The following ABCA8 variants were observed in gnomAD, a reference collection of about 807,000 sequenced individuals.
ABCA8 encodes the protein ABC-type organic anion transporter ABCA8.
In ABCA8, 177 loss-of-function variants were observed where a neutral mutation model predicts 192.3. That is an observed-to-expected ratio of 0.92 (90% CI 0.81 to 1.04). The LOEUF is 1.04. Ranked by LOEUF, ABCA8 falls within the 50% of genes least tolerant of loss-of-function variation. ABCA8 has a pLI of 0.00. For missense variants in ABCA8, 1,915 were observed against 1,904.8 expected, an observed-to-expected ratio of 1.01 and a Z score of -0.10; for synonymous variants, 642 against 690.2, an observed-to-expected ratio of 0.93 and a Z score of 1.09.
At chr17:68,871,769 C>T (rs183058873) in intron 37 of ABCA8, among the ~76,000 whole-genome samples, 3 of 152,220 alleles carry the variant, frequency 2.0e-5, no homozygotes, top group South Asian at 2.1e-4. Flanking sequence ...TATAGCATAA[C>T]ATATTACTTA....
chr17:68,916,151 G>A (rs1274502266), intron 17 of ABCA8, among the ~76,000 whole-genome samples: 1 of 151,798 alleles, frequency 6.6e-6, no homozygotes, highest in Non-Finnish European at 1.5e-5. Context: ...GGGGAAGGGG[G>A]GATGGTTAAT....
At chr17:68,917,123 T>A (rs910724595) in intron 17 of ABCA8, among the ~76,000 whole-genome samples, 1 of 152,052 alleles carries the variant, frequency 6.6e-6, no homozygotes, top group Non-Finnish European at 1.5e-5. Context: ...CAAAAAAACT[T>A]AGCTGGGCGT....
At chr17:68,949,070 C>G (rs569162559) in intron 2 of ABCA8, among the ~76,000 whole-genome samples, 1 of 152,232 alleles carries the variant, frequency 6.6e-6, no homozygotes, top group Non-Finnish European at 1.5e-5. Context: ...GGTGTAATTT[C>G]TGAGGTCTCT....
rs748808485 is a variant in ABCA8, at chr17:68,903,293, ATACT to A, written c.2597+4_2597+7del. The stretch of plus-strand genomic sequence containing the variant: ...AAAAAGAAAACCTATGGCAACTCTG[ATACT>A]TACAGTGCTAAAAGAGCTTTTCTTT... On this transcript the variant is annotated splice_donor_5th_base_variant and intron_variant, in intron 20 of 39. Coordinates refer to ENST00000586539, the MANE Select transcript of ABCA8 (RefSeq NM_001288985.2). The A allele has an allele frequency of 1.9e-6, 3 of 1,613,930 alleles. No individual in the cohort carries two copies. The highest frequency in any genetic ancestry group is 2.5e-6 in the Non-Finnish European group (3 of 1,179,980).
At chr17:68,897,532 A>T (rs949626609) in intron 21 of ABCA8, among the ~76,000 whole-genome samples, 1 of 152,218 alleles carries the variant, frequency 6.6e-6, no homozygotes, top group African/African-American at 2.4e-5. Context: ...TAGCAAACCT[A>T]AAAAACAAAG....
chr17:68,934,216 C>A (rs985693124), intron 5 of ABCA8, among the ~76,000 whole-genome samples: 5 of 151,780 alleles, frequency 3.3e-5, no homozygotes, highest in Non-Finnish European at 5.9e-5. Context: ...GTTATGGAAT[C>A]CCATTGCAGG....
rs146930637 is a variant in ABCA8, at chr17:68,875,722, C to T, written c.4382G>A (p.Arg1461Gln). 70 of 1,613,406 alleles carry T rather than the reference C, an allele frequency of 4.3e-5. No homozygotes were observed. In the African/African-American group the frequency reaches 6.7e-4, roughly 15 times the overall value. ...EGQQQMWQAI[R>Q]ATFRNTERGA... ...CCTTTCCGTGTTTCTAAAGGTGGCC[C>T]GGATGGCCTGCCTATAATGTCAAGA... The change falls in exon 36 of 40, where the codon CGG becomes CAG. Residue 1461 changes from arginine (R) to glutamine (Q), a missense_variant. Transcript: ENST00000586539.
In ABCA8 at chr17:68,881,925, C is replaced by G. The variant is rs753490813; in HGVS notation, c.3884G>C (p.Gly1295Ala). 4.9e-5 allele frequency: 79 copies of G among 1,613,982 alleles called. No individual in the cohort carries two copies. Among genetic ancestry groups the G allele is most frequent in the Non-Finnish European group, 6.4e-5 (75 of 1,179,970 alleles). The change falls in exon 31 of 40, where the codon GGC (glycine) becomes GCC (alanine). Residue 1295 changes from glycine to alanine, a missense_variant. Gly to Ala is a moderately conservative substitution (Grantham distance 60). Transcript: ENST00000586539. The part of the protein sequence containing the change: ...LRKEYAGKRK[G>A]CFSKRKNKIA... Reference sequence around the variant, plus strand: ...CTTATTCTTCCTCTTGGAAAAACAGCCTTTCCTCTTCCCTGCATACTCCTT... The same window carrying G: ...CTTATTCTTCCTCTTGGAAAAACAGGCTTTCCTCTTCCCTGCATACTCCTT...
At chr17:68,934,137 C>T (rs9909773) in intron 5 of ABCA8, among the ~76,000 whole-genome samples, 15,064 of 151,958 alleles carry the variant, frequency 0.099, 1,586 homozygotes, top group African/African-American at 0.25. Context: ...GAACTATGTT[C>T]ATTTGTTCCA....
rs1459682536 is a variant in ABCA8 at position 68,882,613 on chromosome 17, T to C, written c.3814A>G (p.Thr1272Ala). 2.5e-6 allele frequency: 4 copies of C among 1,612,054 alleles called. No individual in the cohort carries two copies. The highest frequency in any genetic ancestry group is 3.4e-6 in the Non-Finnish European group (4 of 1,179,284). The change falls in exon 30 of 40, where the codon ACT becomes GCT. Residue 1272 changes from threonine to alanine, a missense_variant. Transcript: ENST00000586539. ...TTATGTTTTACCTCATCAAAATTAG[T>C]AGAATTCAAGGCATTTGCTGTTCTC... ...RVRTANALNS[T>A]NFDEKPVIIA...
rs575126395 is a variant in ABCA8 at position 68,932,928 on chromosome 17, T to G, written c.570+240A>C. Among the ~76,000 whole-genome samples the G allele has an allele frequency of 9.8e-5, 15 of 152,350 alleles. No individual in the cohort carries two copies. In the South Asian group the frequency reaches 2.9e-3, roughly 29 times the overall value. On this transcript the variant is annotated intron_variant, in intron 6 of 39. Transcript: ENST00000586539. ...GATTTATAGTTCTGTAATAGTCTAC[T>G]TCTGTTCTAATAATTTTCTTATATT...
intron 17 of ABCA8, among the ~76,000 whole-genome samples, chr17:68,908,873 G>T (rs1042650842): frequency 6.6e-6 from 1 of 152,126 alleles, no homozygotes; most frequent in Non-Finnish European, 1.5e-5. Flanking sequence ...AGCCTCTAGG[G>T]TTATTCGAAC....
rs777175510 is a variant in ABCA8 at position 68,903,413 on chromosome 17, TAAGTG to T, written c.2480_2484del (p.Ser827Ter). On this transcript the variant is annotated frameshift_variant, in exon 20 of 40. Coordinates refer to ENST00000586539, the MANE Select transcript of ABCA8 (RefSeq NM_001288985.2). LOFTEE classifies it high-confidence loss of function. ...CCACCTATTGTCTTTCTCATCTTGTTAAGTGAAGAGAGGACTTGTTCCATCTCAAC... is the reference window on the plus strand; with the variant it reads ...CCACCTATTGTCTTTCTCATCTTGTTAAGAGAGGACTTGTTCCATCTCAAC... 56 of 1,614,200 alleles carry T rather than the reference TAAGTG, an allele frequency of 3.5e-5. 1 individual carries two copies. The South Asian group carries it at 5.6e-4, about 16-fold the overall frequency.
chr17:68,912,936 C>T (rs1056842155), intron 17 of ABCA8, among the ~76,000 whole-genome samples: 3 of 152,146 alleles, frequency 2.0e-5, no homozygotes, highest in Non-Finnish European at 4.4e-5. Context: ...TATGCAATGG[C>T]TGCAGAATAC....
intron 20 of ABCA8, 62 bp from the exon 21 acceptor site, chr17:68,902,941 G>A: frequency 1.4e-6 from 2 of 1,401,678 alleles, no homozygotes; most frequent in Non-Finnish European, 9.8e-7. Flanking sequence ...TACTCTCTGA[G>A]CAGTTTATAA....
intron 2 of ABCA8, among the ~76,000 whole-genome samples, chr17:68,948,700 AC>A (rs1567891159): frequency 6.6e-6 from 1 of 152,248 alleles, no homozygotes; most frequent in East Asian, 1.9e-4. Flanking sequence ...TTGCCTGTTC[AC>A]GCTGATGATA....
intron 17 of ABCA8, among the ~76,000 whole-genome samples, chr17:68,912,251 A>G (rs2067242053): frequency 6.6e-6 from 1 of 152,154 alleles, no homozygotes; most frequent in Non-Finnish European, 1.5e-5. Flanking sequence ...TATCAGATAA[A>G]TTTAACAAAG....
chr17:68,915,107 T>C (rs994268672), intron 17 of ABCA8, among the ~76,000 whole-genome samples: 7 of 152,142 alleles, frequency 4.6e-5, no homozygotes, highest in African/African-American at 1.7e-4. Flanking sequence ...CCTAGACTCC[T>C]ATCTGTCACT....
intron 26 of ABCA8, chr17:68,886,791 G>A (rs1012757840): frequency 2.3e-5 from 6 of 261,848 alleles, no homozygotes; most frequent in African/African-American, 4.5e-5. Context: ...AATTATACAC[G>A]TTTCCTCCTA....
Sources: allele counts gnomAD v4.1 joint callset (sites outside exome capture counted in the v4.1 genomes callset), GRCh38; gene constraint gnomAD v4.1.1; transcripts MANE v1.5; gene names NCBI Gene and HGNC (gene_info 2026-07-23, HGNC 2026-07-21).